FYN: variants seen among roughly 807,000 people sequenced by gnomAD.
FYN encodes the protein FYN proto-oncogene, Src family tyrosine kinase, also known as tyrosine-protein kinase Fyn.
A neutral mutation model predicts 70.2 loss-of-function variants in FYN; 10 were observed. That is an observed-to-expected ratio of 0.14 (90% confidence interval 0.09 to 0.24). The LOEUF (loss-of-function observed/expected upper bound fraction) is 0.24. FYN is among the 10% of genes least tolerant of loss of function. The pLI, the probability that FYN is intolerant of heterozygous loss-of-function variation, is 1.00. For synonymous variants in FYN, 236 were observed against 248.6 expected (o/e 0.95, Z 0.48); for missense variants, 319 against 673.1 (o/e 0.47, Z 5.82).
At chr6:111,779,305 A>G (rs558141565) in intron 3 of FYN, among the ~76,000 whole-genome samples, 1 of 152,088 alleles carries the variant, frequency 6.6e-6, no homozygotes, top group East Asian at 1.9e-4. Flanking sequence ...GCCCCACCCA[A>G]AAGCCAAATT....
In FYN at chr6:111,770,975, C is replaced by T. The variant is rs151191278; in HGVS notation, c.-12+9591G>A. Among the ~76,000 whole-genome samples, 238 of 152,270 alleles carry T rather than the reference C, an allele frequency of 1.6e-3. 1 individual carries two copies. Among genetic ancestry groups the T allele is most frequent in the African/African-American group, 5.4e-3 (224 of 41,560 alleles). ...CAAGGTTTACCTGGGTCCTCCTCAACCTCTCTGTGCTTCAGGCGGTTAAAG... is the reference window on the plus strand; with the variant it reads ...CAAGGTTTACCTGGGTCCTCCTCAATCTCTCTGTGCTTCAGGCGGTTAAAG... On this transcript the variant is annotated intron_variant, in intron 3 of 13. Coordinates refer to ENST00000354650, the MANE Select transcript of FYN (RefSeq NM_002037.5).
At chr6:111,800,863 G>C (rs1436237752) in intron 2 of FYN, among the ~76,000 whole-genome samples, 1 of 152,150 alleles carries the variant, frequency 6.6e-6, no homozygotes, top group Non-Finnish European at 1.5e-5. Flanking sequence ...GCAACCCATG[G>C]GGGCTGCAGC....
chr6:111,673,236 G>A (rs1385096542), intron 13 of FYN, among the ~76,000 whole-genome samples: 1 of 152,206 alleles, frequency 6.6e-6, no homozygotes, highest in East Asian at 1.9e-4. Context: ...CCTTTCTTCT[G>A]TGCTGGTTGG....
At chr6:111,701,374 G>C (rs1294510477) in intron 8 of FYN, among the ~76,000 whole-genome samples, 1 of 152,150 alleles carries the variant, frequency 6.6e-6, no homozygotes, top group African/African-American at 2.4e-5. Flanking sequence ...CCGGACCCAG[G>C]GAAAGCAGAT....
chr6:111,820,898 A>G (rs980786868), intron 2 of FYN, among the ~76,000 whole-genome samples: 29 of 152,190 alleles, frequency 1.9e-4, no homozygotes, highest in South Asian at 2.1e-4. Context: ...GATCCTATTT[A>G]TGTTAAACAA....
intron 1 of FYN, among the ~76,000 whole-genome samples, chr6:111,863,511 A>G (rs1774022157): frequency 6.6e-6 from 1 of 152,206 alleles, no homozygotes; most frequent in African/African-American, 2.4e-5. Context: ...AGATTCAGTA[A>G]CTTTCTGGGG....
At chr6:111,835,443 AT>A (rs1245472322) in intron 2 of FYN, among the ~76,000 whole-genome samples, 1 of 152,246 alleles carries the variant, frequency 6.6e-6, no homozygotes, top group Non-Finnish European at 1.5e-5. Flanking sequence ...CGAACAAAGA[AT>A]TCTTAGCAAA....
At chr6:111,667,176 C>T (rs1798048126) in intron 13 of FYN, among the ~76,000 whole-genome samples, 1 of 152,136 alleles carries the variant, frequency 6.6e-6, no homozygotes, top group Non-Finnish European at 1.5e-5. Flanking sequence ...TTAAACTTCC[C>T]TATTCCACTT....
chr6:111,688,652 T>G (rs1032303369), intron 12 of FYN, among the ~76,000 whole-genome samples: 3 of 149,490 alleles, frequency 2.0e-5, no homozygotes, highest in Non-Finnish European at 4.4e-5. Flanking sequence ...GCAGCGTGTG[T>G]GTGCTCATGT....
At chr6:111,834,183 T>C (rs1013593065) in intron 2 of FYN, among the ~76,000 whole-genome samples, 3 of 152,050 alleles carry the variant, frequency 2.0e-5, no homozygotes, top group African/African-American at 4.8e-5. Flanking sequence ...ATGATAAACA[T>C]GAAATTTAGA....
chr6:111,751,882 G>A (rs1293565939), intron 3 of FYN, among the ~76,000 whole-genome samples: 5 of 152,124 alleles, frequency 3.3e-5, no homozygotes, highest in Admixed American at 6.5e-5. Context: ...GCCTCTCAAA[G>A]TGCTGGGATT....
At chr6:111,770,239 T>C (rs1458386401) in intron 3 of FYN, among the ~76,000 whole-genome samples, 3 of 152,236 alleles carry the variant, frequency 2.0e-5, no homozygotes, top group Non-Finnish European at 4.4e-5. Flanking sequence ...ACTGACTGTA[T>C]GGTAAATGAT....
chr6:111,767,832 T>C (rs1478366687), intron 3 of FYN, among the ~76,000 whole-genome samples: 1 of 152,220 alleles, frequency 6.6e-6, no homozygotes, highest in Non-Finnish European at 1.5e-5. Flanking sequence ...CACTGAGACC[T>C]GTGCTGGGAC....
chr6:111,759,112 T>C (rs1802885180), intron 3 of FYN: 2 of 152,350 alleles, frequency 1.3e-5, no homozygotes, highest in Non-Finnish European at 2.9e-5. Flanking sequence ...CCTTGGCTTA[T>C]ACCCAACACT....
intron 3 of FYN, among the ~76,000 whole-genome samples, chr6:111,733,520 G>T (rs1028772678): frequency 6.6e-6 from 1 of 152,234 alleles, no homozygotes; most frequent in Non-Finnish European, 1.5e-5. Context: ...GAGAAGGTCT[G>T]TAAGCAGTGC....
intron 12 of FYN, among the ~76,000 whole-genome samples, chr6:111,683,707 A>G (rs1798869036): frequency 7.1e-6 from 1 of 140,440 alleles, no homozygotes; most frequent in Admixed American, 7.4e-5. Flanking sequence ...TCAACTTGAA[A>G]GTTACTCTGG....
rs376434095 is a variant in FYN, at chr6:111,665,710, C to T, written c.1406-3763G>A. ...GATCTCGGCTCACTGCAGCCTCCAC[C>T]TCCCAGGTTCAAGCAATTCTCCTGT... On this transcript the variant is annotated intron_variant, in intron 13 of 13. Coordinates refer to ENST00000354650, the MANE Select transcript of FYN (RefSeq NM_002037.5). 9.9e-5 allele frequency among the ~76,000 whole-genome samples: 15 copies of T among 151,788 alleles called. No individual in the cohort carries two copies. In the South Asian group the frequency reaches 3.1e-3, roughly 32 times the overall value.
chr6:111,701,789 A>G (rs1799850240), intron 8 of FYN, among the ~76,000 whole-genome samples: 1 of 152,190 alleles, frequency 6.6e-6, no homozygotes, highest in South Asian at 2.1e-4. Context: ...ATTTTGTTCC[A>G]TTTCTCCCAA....
intron 5 of FYN, among the ~76,000 whole-genome samples, chr6:111,712,817 C>G (rs1464907323): frequency 8.5e-5 from 13 of 152,190 alleles, no homozygotes; most frequent in Admixed American, 8.5e-4. Flanking sequence ...GGTGGCCACA[C>G]AGGCATGTTC....
Sources: gnomAD v4.1 joint callset for allele counts (sites outside exome capture counted in the v4.1 genomes callset) on GRCh38, gnomAD v4.1.1 for gene constraint, MANE v1.5 for transcripts, NCBI Gene and HGNC (gene_info 2026-07-23, HGNC 2026-07-21) for gene names.